Variants in TGFBI observed in about 807,000 individuals in gnomAD.
TGFBI encodes the protein transforming growth factor-beta-induced protein ig-h3.
A neutral mutation model predicts 73.7 loss-of-function variants in TGFBI; 50 were observed. That is an observed-to-expected ratio of 0.68 (90% CI 0.54 to 0.86). The LOEUF (loss-of-function observed/expected upper bound fraction) is 0.86. Among genes scored for constraint, TGFBI ranks in the 40% least tolerant of loss-of-function variants. TGFBI has a pLI of 0.00. For missense variants in TGFBI, 839 were observed against 877.0 expected (o/e 0.96, Z 0.55); for synonymous variants, 362 against 360.5 (o/e 1.00, Z -0.05).
chr5:136,054,030 C>T lies in TGFBI; in HGVS notation c.1214C>T (p.Ser405Phe). ...CAAGCCGGCCTCGGCAATCATCTCT[C>T]TGGAAGTGAGCGGTTGACCCTCCTG... is the stretch of plus-strand genomic sequence containing the variant. ...FRQAGLGNHL[S>F]GSERLTLLAP... is the part of the protein sequence containing the mutation. The change falls in exon 9 of 17, where the codon TCT becomes TTT. Residue 405 changes from serine (S) to phenylalanine (F), a missense_variant. Ser to Phe is a radical substitution (Grantham distance 155). Transcript: ENST00000442011. The T allele has an allele frequency of 1.2e-6, 2 of 1,614,058 alleles. No homozygotes were observed. Among genetic ancestry groups the T allele is most frequent in the Non-Finnish European group, 1.7e-6 (2 of 1,179,904 alleles).
chr5:136,063,138 C>T (rs1375888626), intron 16 of TGFBI, 48 bp from the exon 17 acceptor site: 2 of 1,567,564 alleles, frequency 1.3e-6, no homozygotes, highest in Non-Finnish European at 1.8e-6. Flanking sequence ...CCTAGACAGA[C>T]ATGGGGAGAT....
In TGFBI at chr5:136,061,496, T is replaced by C; in HGVS notation, c.1907-4T>C. The C allele has an allele frequency of 6.3e-7, 1 of 1,599,724 alleles. No individual in the cohort carries two copies. The highest frequency in any genetic ancestry group is 8.5e-7 in the Non-Finnish European group (1 of 1,172,508). On this transcript the variant is annotated splice_region_variant and splice_polypyrimidine_tract_variant and intron_variant, in intron 14 of 16. Coordinates refer to ENST00000442011, the MANE Select transcript of TGFBI (RefSeq NM_000358.3). ...GTCAAACCTGCCTTTTCTTTCCTCT[T>C]CAGCCAACAGACCTCAGGAAAGAGG...
At position 136,029,033 on chromosome 5, in the gene TGFBI, C is replaced by T. The variant is rs1408913213; in HGVS notation, c.-23C>T. 6.6e-7 allele frequency: 1 copy of T among 1,517,820 alleles called. No homozygotes were observed. Among genetic ancestry groups the T allele is most frequent in the Non-Finnish European group, 8.8e-7 (1 of 1,139,966 alleles). The allele number at this position is 1,517,820 out of a possible 1,614,324, so 94.0% of individuals were successfully genotyped here. A position where few individuals can be genotyped will look rare whatever the true frequency, so the allele number is the denominator to read the frequency against. ...CGCTTGCCCGTCGGTCGCTAGCTCG[C>T]TCGGTGCGCGTCGTCCCGCTCCATG... On this transcript the variant is annotated 5_prime_UTR_variant, in exon 1 of 17. Coordinates refer to ENST00000442011, the MANE Select transcript of TGFBI (RefSeq NM_000358.3).
chr5:136,062,817 G>C, intron 16 of TGFBI, 130 bp downstream of exon 16: 1 of 1,022,050 alleles, frequency 9.8e-7, no homozygotes, highest in South Asian at 1.6e-5. Context: ...GGCCTTTGGA[G>C]TCAGAACAGC....
chr5:136,045,290 C>A (rs909660631), intron 3 of TGFBI, among the ~76,000 whole-genome samples: 3 of 151,988 alleles, frequency 2.0e-5, no homozygotes, highest in Non-Finnish European at 1.5e-5. Flanking sequence ...CGCCTGTAAT[C>A]CTAGCACTTT....
Position 136,029,130 on chromosome 5 carries a change from C to T in TGFBI, c.75C>T (p.Pro25=), listed in dbSNP as rs1189834074. The T allele has an allele frequency of 5.9e-6, 9 of 1,525,532 alleles. No individual in the cohort carries two copies. Among genetic ancestry groups the T allele is most frequent in the Non-Finnish European group, 7.9e-6 (9 of 1,143,260 alleles). 94.5% of individuals were successfully genotyped at this position (1,525,532 alleles called of 1,614,324 possible). A position where few individuals can be genotyped will look rare whatever the true frequency, so the allele number is the denominator to read the frequency against. Residue 25 remains proline (P), a synonymous_variant, in exon 1 of 17, where the codon CCC becomes CCT. Transcript: ENST00000442011. The part of the protein sequence containing the change: ...ALGPAATLAG[P]AKSPYQLVLQ... ...GCCCCGCCGCGACCCTGGCGGGTCC[C>T]GCCAAGTCGCCCTACCAGCTGGTGC...
intron 2 of TGFBI, among the ~76,000 whole-genome samples, chr5:136,043,374 G>A (rs897079223): frequency 1.3e-5 from 2 of 152,140 alleles, no homozygotes; most frequent in Admixed American, 1.3e-4. Context: ...GAAAACAAAA[G>A]TTCTTATTGA....
chr5:136,047,381 G>A lies in TGFBI; in HGVS notation c.732G>A (p.Gln244=), dbSNP rs745469804. 14 of 1,613,870 alleles carry A rather than the reference G, an allele frequency of 8.7e-6. No individual in the cohort carries two copies. The highest frequency in any genetic ancestry group is 1.1e-5 in the Non-Finnish European group (13 of 1,179,868). ...TCTCCACCATCACCAACAACATCCA[G>A]CAGATCATTGAGATCGAGGACACCT... ...KVISTITNNI[Q]QIIEIEDTFE... Residue 244 remains glutamine, a synonymous_variant, in exon 6 of 17, where the codon CAG becomes CAA. Coordinates refer to ENST00000442011, the MANE Select transcript of TGFBI (RefSeq NM_000358.3).
intron 8 of TGFBI, among the ~76,000 whole-genome samples, chr5:136,053,547 T>G (rs1751574865): frequency 6.6e-6 from 1 of 152,248 alleles, no homozygotes; most frequent in Non-Finnish European, 1.5e-5. Flanking sequence ...AGTCTTCCAG[T>G]GAGATCTGTC....
chr5:136,035,639 A>AG (rs1218989314), intron 2 of TGFBI, among the ~76,000 whole-genome samples: 30 of 149,748 alleles, frequency 2.0e-4, no homozygotes, highest in East Asian at 1.8e-3. Context: ...AAAAAAAAAA[A>AG]AAAAGAAAAG....
At chr5:136,045,257 A>C (rs2126908387) in intron 3 of TGFBI, among the ~76,000 whole-genome samples, 1 of 152,208 alleles carries the variant, frequency 6.6e-6, no homozygotes, top group East Asian at 1.9e-4. Flanking sequence ...AGATTGTGAG[A>C]CTGGGCTGGG....
At position 136,053,117 on chromosome 5, in the gene TGFBI, CAGGT is replaced by C; in HGVS notation, c.1126+2_1126+5del. The stretch of plus-strand genomic sequence containing the variant: ...ATTGATGAGCTACTCATCCCAGACT[CAGGT>C]AGGCCAGGCCTCCGGGGGCCTTGGC... On this transcript the variant is annotated splice_donor_variant and coding_sequence_variant, in exon 8 of 17. Transcript: ENST00000442011. LOFTEE classifies it high-confidence loss of function. 6.2e-7 allele frequency: 1 copy of C among 1,613,736 alleles called. No homozygotes were observed. The highest frequency in any genetic ancestry group is 8.5e-7 in the Non-Finnish European group (1 of 1,179,764).
chr5:136,053,871 G>A, intron 8 of TGFBI, 72 bp from the exon 9 acceptor site: 1 of 1,598,294 alleles, frequency 6.3e-7, no homozygotes, highest in Non-Finnish European at 8.6e-7. Context: ...TGTGTGTCAT[G>A]CCCTGGGGTG....
At chr5:136,057,803 T>A (rs1441695249) in intron 12 of TGFBI, among the ~76,000 whole-genome samples, 1 of 152,174 alleles carries the variant, frequency 6.6e-6, no homozygotes, top group Non-Finnish European at 1.5e-5. Context: ...ATTTTCTTTA[T>A]TGCTAAATGA....
chr5:136,051,201 G>A (rs1021970407), intron 7 of TGFBI, among the ~76,000 whole-genome samples: 2 of 152,104 alleles, frequency 1.3e-5, no homozygotes, highest in East Asian at 1.9e-4. Flanking sequence ...AAGCCAAGGC[G>A]GGCAGATCAC....
At position 136,059,289 on chromosome 5, in the gene TGFBI, T is replaced by A. The variant is rs528418227; in HGVS notation, c.1803+75T>A. 2.6e-6 allele frequency: 4 copies of A among 1,566,100 alleles called. No individual in the cohort carries two copies. In the East Asian group the frequency reaches 9.3e-5, roughly 37 times the overall value. On this transcript the variant is annotated intron_variant, in intron 13 of 16. Coordinates refer to ENST00000442011, the MANE Select transcript of TGFBI (RefSeq NM_000358.3). ...TCCAGGACATATCTCACCCCCAGGA[T>A]GGAATTATACACACACAACCTTCAA...
intron 1 of TGFBI, among the ~76,000 whole-genome samples, chr5:136,033,071 G>A (rs1751149991): frequency 6.6e-6 from 1 of 152,076 alleles, no homozygotes; most frequent in Non-Finnish European, 1.5e-5. Flanking sequence ...ACAGAACAAG[G>A]CAGAACACTT....
At position 136,055,835 on chromosome 5, in the gene TGFBI, G is replaced by T. The variant is rs140822389; in HGVS notation, c.1547+19G>T. 4 of 1,586,542 alleles carry T rather than the reference G, an allele frequency of 2.5e-6. No homozygotes were observed. The highest frequency in any genetic ancestry group is 3.4e-6 in the Non-Finnish European group (4 of 1,160,750). On this transcript the variant is annotated intron_variant, in intron 11 of 16. Transcript: ENST00000442011. The stretch of plus-strand genomic sequence containing the variant: ...GCTTTAGGTAATTAGTTCCATCCCC[G>T]GGTGGAGCTTCTGCCCAGTGGTCAT...
chr5:136,049,041 A>AT, intron 6 of TGFBI: 1 of 196,734 alleles, frequency 5.1e-6, no homozygotes, highest in South Asian at 1.1e-4. Flanking sequence ...GAGTGTAGGC[A>AT]CAGCAGACAG....
Sources: allele counts gnomAD v4.1 joint callset (sites outside exome capture counted in the v4.1 genomes callset), GRCh38; gene constraint gnomAD v4.1.1; transcripts MANE v1.5; gene names NCBI Gene and HGNC (gene_info 2026-07-23, HGNC 2026-07-21).